ADAM2: variants seen among roughly 807,000 people sequenced by gnomAD.
ADAM2 encodes the protein ADAM metallopeptidase domain 2, also known as disintegrin and metalloproteinase domain-containing protein 2.
Under a neutral mutation model 99.3 loss-of-function variants are expected in ADAM2, and 101 were observed. That is an observed-to-expected ratio of 1.02 (90% confidence interval 0.87 to 1.20). The LOEUF (loss-of-function observed/expected upper bound fraction) is 1.20, where lower values mean the gene tolerates loss of function less well. ADAM2 is among the 50% of genes most tolerant of loss of function. The pLI is 0.00. For missense variants in ADAM2, 948 were observed against 878.7 expected, an observed-to-expected ratio of 1.08 and a Z score of -1.00; for synonymous variants, 323 against 287.6, an observed-to-expected ratio of 1.12 and a Z score of -1.25.
chr8:39,757,548 C>A (rs895111180), intron 15 of ADAM2, among the ~76,000 whole-genome samples: 1 of 152,116 alleles, frequency 6.6e-6, no homozygotes, highest in Non-Finnish European at 1.5e-5. Context: ...ATATAAATTT[C>A]AGGTTTATAT....
At chr8:39,817,376 A>C (rs796143666) in intron 6 of ADAM2, among the ~76,000 whole-genome samples, 13 of 151,752 alleles carry the variant, frequency 8.6e-5, no homozygotes, top group African/African-American at 3.2e-4. Flanking sequence ...GCTATTGGTT[A>C]CAAAAGTACA....
At chr8:39,813,859 T>A (rs1392531392) in intron 6 of ADAM2, among the ~76,000 whole-genome samples, 1 of 152,048 alleles carries the variant, frequency 6.6e-6, no homozygotes, top group Non-Finnish European at 1.5e-5. Context: ...ATGGCACGTG[T>A]ATACATATGG....
At chr8:39,757,650 C>T (rs1187643444) in intron 15 of ADAM2, among the ~76,000 whole-genome samples, 1 of 152,216 alleles carries the variant, frequency 6.6e-6, no homozygotes, top group East Asian at 1.9e-4. Flanking sequence ...AGAGGCATAA[C>T]GAAATGAACA....
At chr8:39,756,106 A>G (rs1802143465) in intron 15 of ADAM2, among the ~76,000 whole-genome samples, 195 bp from the exon 16 acceptor site, 1 of 152,188 alleles carries the variant, frequency 6.6e-6, no homozygotes. Flanking sequence ...TTAATTATGA[A>G]CTAAGGTTGG....
chr8:39,759,765 TAA>T (rs892493957), intron 15 of ADAM2, among the ~76,000 whole-genome samples: 4 of 152,344 alleles, frequency 2.6e-5, no homozygotes, highest in African/African-American at 9.6e-5. Context: ...ACGAAAACTA[TAA>T]AGTTTATTAC....
chr8:39,749,821 T>C, intron 16 of ADAM2, 77 bp from the exon 17 acceptor site: 1 of 1,009,890 alleles, frequency 9.9e-7, no homozygotes, highest in Non-Finnish European at 1.5e-6. Context: ...TTCCATACCA[T>C]ACCATATTAC....
At chr8:39,778,763 T>C (rs1803099846) in intron 10 of ADAM2, among the ~76,000 whole-genome samples, 1 of 152,066 alleles carries the variant, frequency 6.6e-6, no homozygotes, top group Non-Finnish European at 1.5e-5. Context: ...AGAATGATTC[T>C]ACAGGGAATA....
At chr8:39,745,785 A>G (rs1354805520) in intron 19 of ADAM2, among the ~76,000 whole-genome samples, 1 of 152,112 alleles carries the variant, frequency 6.6e-6, no homozygotes, top group Non-Finnish European at 1.5e-5. Context: ...ACTAAGATAT[A>G]GAAATATTAC....
chr8:39,830,770 G>C (rs1304576911), intron 3 of ADAM2, among the ~76,000 whole-genome samples: 1 of 150,830 alleles, frequency 6.6e-6, no homozygotes, highest in Admixed American at 6.6e-5. Flanking sequence ...GTTGCTAATA[G>C]AAACGAAAAA....
chr8:39,759,474 C>G, intron 15 of ADAM2, among the ~76,000 whole-genome samples: 1 of 151,942 alleles, frequency 6.6e-6, no homozygotes, highest in Non-Finnish European at 1.5e-5. Flanking sequence ...GGAAAATAGC[C>G]TAAAATTACT....
chr8:39,819,245 C>T (rs1656280503), intron 6 of ADAM2, among the ~76,000 whole-genome samples: 1 of 151,860 alleles, frequency 6.6e-6, no homozygotes, highest in South Asian at 2.1e-4. Flanking sequence ...GTCAACTGAT[C>T]TTTGAAAAAA....
Position 39,809,402 on chromosome 8 carries a change from A to G in ADAM2, c.570+8T>C. The G allele has an allele frequency of 9.1e-7, 1 of 1,098,314 alleles. No homozygotes were observed. Among genetic ancestry groups the G allele is most frequent in the Non-Finnish European group, 1.4e-6 (1 of 725,440 alleles). 68.0% of individuals were successfully genotyped at this position (1,098,314 alleles called of 1,614,324 possible). A position where few individuals can be genotyped will look rare whatever the true frequency, so the allele number is the denominator to read the frequency against. ...TTAAGGGACATAAATAAATCAGAAT[A>G]TACTTACCAATTGTTTTTCAACTAT... is the stretch of plus-strand genomic sequence containing the variant. On this transcript the variant is annotated splice_region_variant and intron_variant, in intron 7 of 20. Coordinates refer to ENST00000265708, the MANE Select transcript of ADAM2 (RefSeq NM_001464.5).
intron 16 of ADAM2, among the ~76,000 whole-genome samples, chr8:39,753,823 A>G (rs553841365): frequency 1.3e-5 from 2 of 151,940 alleles, no homozygotes; most frequent in South Asian, 4.2e-4. Context: ...ACACACACAC[A>G]CACACACTCA....
chr8:39,782,074 T>C (rs976696187), intron 10 of ADAM2, among the ~76,000 whole-genome samples: 5 of 152,212 alleles, frequency 3.3e-5, no homozygotes, highest in East Asian at 1.9e-4. Flanking sequence ...ATGTGGATTA[T>C]ACATCTACAT....
Position 39,836,706 on chromosome 8 carries a change from C to T in ADAM2, c.132+430G>A, listed in dbSNP as rs193032769. Reference sequence around the variant, plus strand: ...TGAAAGAAAGAGTTCTAATCATTAACATATTCGCAATCAGGGCTAAAAAAA... The same window carrying T: ...TGAAAGAAAGAGTTCTAATCATTAATATATTCGCAATCAGGGCTAAAAAAA... On this transcript the variant is annotated intron_variant, in intron 2 of 20. Coordinates refer to ENST00000265708, the MANE Select transcript of ADAM2 (RefSeq NM_001464.5). Among the ~76,000 whole-genome samples, 5 of 152,220 alleles carry T rather than the reference C, an allele frequency of 3.3e-5. No individual in the cohort carries two copies. The East Asian group carries it at 9.6e-4, about 29-fold the overall frequency.
At chr8:39,759,549 A>T (rs550751911) in intron 15 of ADAM2, among the ~76,000 whole-genome samples, 1 of 152,318 alleles carries the variant, frequency 6.6e-6, no homozygotes, top group African/African-American at 2.4e-5. Flanking sequence ...ATGTAAGAAA[A>T]TATCTTTATT....
At chr8:39,744,963 T>C in intron 19 of ADAM2, 70 bp from the exon 20 acceptor site, 1 of 1,276,436 alleles carries the variant, frequency 7.8e-7, no homozygotes, top group Non-Finnish European at 1.1e-6. Context: ...GTATTATCTG[T>C]CAGTCTTGAA....
chr8:39,803,883 G>A (rs2129586578), intron 7 of ADAM2, among the ~76,000 whole-genome samples: 1 of 152,194 alleles, frequency 6.6e-6, no homozygotes, highest in South Asian at 2.1e-4. Flanking sequence ...TTTTAATATG[G>A]GAGAATACTT....
At chr8:39,805,783 T>C (rs944218641) in intron 7 of ADAM2, among the ~76,000 whole-genome samples, 1 of 152,160 alleles carries the variant, frequency 6.6e-6, no homozygotes. Flanking sequence ...AAAACAATAG[T>C]TATCTGTGGC....
Sources: allele counts gnomAD v4.1 joint callset (sites outside exome capture counted in the v4.1 genomes callset), GRCh38; gene constraint gnomAD v4.1.1; transcripts MANE v1.5; gene names NCBI Gene and HGNC (gene_info 2026-07-23, HGNC 2026-07-21).